PRMT8: variants seen among roughly 807,000 people sequenced by gnomAD.
PRMT8 encodes protein arginine N-methyltransferase 8.
In PRMT8, 7 loss-of-function variants were observed where a neutral mutation model predicts 47.1. The ratio of observed to expected loss-of-function variants is 0.15; its 90% CI spans 0.08 to 0.28. The LOEUF (loss-of-function observed/expected upper bound fraction) is 0.28. Ranked by LOEUF, PRMT8 falls within the 10% of genes least tolerant of loss-of-function variation. PRMT8 has a pLI of 1.00. For synonymous variants in PRMT8, 188 were observed against 186.5 expected (o/e 1.01, Z -0.07); for missense variants, 237 against 505.4 (o/e 0.47, Z 5.09).
chr12:3,454,426 T>A (rs1474057454), intron 1 of PRMT8, among the ~76,000 whole-genome samples: 1 of 152,088 alleles, frequency 6.6e-6, no homozygotes, highest in Non-Finnish European at 1.5e-5. Context: ...TTTGAATCAC[T>A]GACGTTAATC....
chr12:3,491,602 A>G lies in PRMT8; in HGVS notation c.-24A>G. 2.5e-6 allele frequency: 4 copies of G among 1,609,196 alleles called. No individual in the cohort carries two copies. Among genetic ancestry groups the G allele is most frequent in the South Asian group, 2.2e-5 (2 of 90,326 alleles). ...CTCTCTCCTCCTCTACTATCTCGGT[A>G]TCACCAAACCCTTGCCGGCTCTTAT... On this transcript the variant is annotated 5_prime_UTR_variant, in exon 1 of 10. Transcript: ENST00000382622.
At chr12:3,549,684 G>C (rs890540574) in intron 2 of PRMT8, among the ~76,000 whole-genome samples, 2 of 152,138 alleles carry the variant, frequency 1.3e-5, no homozygotes, top group Non-Finnish European at 2.9e-5. Context: ...AGCTTTCCCA[G>C]GTCTGAACAT....
intron 1 of PRMT8, among the ~76,000 whole-genome samples, chr12:3,498,902 G>A (rs1028137328): frequency 5.9e-5 from 9 of 152,316 alleles, no homozygotes; most frequent in East Asian, 3.9e-4. Context: ...GATGCCAGCA[G>A]GGTTGGTTCC....
intron 1 of PRMT8, among the ~76,000 whole-genome samples, chr12:3,498,022 C>A (rs999277311): frequency 6.6e-6 from 1 of 152,168 alleles, no homozygotes; most frequent in African/African-American, 2.4e-5. Flanking sequence ...TGCCAACTTT[C>A]TGGTATATCC....
chr12:3,431,546 G>A (rs1864677435), intron 1 of PRMT8, among the ~76,000 whole-genome samples: 1 of 152,114 alleles, frequency 6.6e-6, no homozygotes, highest in African/African-American at 2.4e-5. Context: ...CAGAGTTGGT[G>A]GAGGGGAGGG....
rs568063150 is a variant in PRMT8 at position 3,457,214 on chromosome 12, G to A, written c.48+75772G>A. On this transcript the variant is annotated intron_variant, in intron 1 of 9. Transcript: ENST00000452611. The stretch of plus-strand genomic sequence containing the variant: ...TGCTGGGCTCTCAGAGCTGTGGAAG[G>A]GCAGAGGAAGGCCTATCTAGGCTGC... Among the ~76,000 whole-genome samples, 7 of 152,284 alleles carry A rather than the reference G, an allele frequency of 4.6e-5. No homozygotes were observed. The East Asian group carries it at 1.4e-3, about 29-fold the overall frequency.
At chr12:3,448,940 A>G (rs1015060754) in intron 1 of PRMT8, among the ~76,000 whole-genome samples, 3 of 152,000 alleles carry the variant, frequency 2.0e-5, no homozygotes, top group Non-Finnish European at 1.5e-5. Context: ...CCCTGTGTCC[A>G]TGTGTTCTCA....
intron 7 of PRMT8, among the ~76,000 whole-genome samples, chr12:3,579,718 A>G (rs1867017741): frequency 6.6e-6 from 1 of 152,022 alleles, no homozygotes; most frequent in Admixed American, 6.6e-5. Flanking sequence ...CTTAATTGCT[A>G]TTTTCATCGC....
intron 1 of PRMT8, among the ~76,000 whole-genome samples, chr12:3,472,882 A>G (rs970406713): frequency 1.6e-4 from 25 of 152,106 alleles, no homozygotes; most frequent in Non-Finnish European, 1.6e-4. Flanking sequence ...GTGTTCCAGA[A>G]GCCAGGTCTT....
At chr12:3,393,689 C>T (rs1308124084) in intron 1 of PRMT8, among the ~76,000 whole-genome samples, 1,640 of 142,390 alleles carry the variant, frequency 0.012, 16 homozygotes, top group African/African-American at 0.038. Context: ...ATTGACTTGG[C>T]GATGCGGGCT....
intron 1 of PRMT8, among the ~76,000 whole-genome samples, chr12:3,444,350 G>C (rs1185404494): frequency 6.6e-6 from 1 of 152,200 alleles, no homozygotes; most frequent in African/African-American, 2.4e-5. Context: ...GACCTCTAAG[G>C]CAAGCAGGAA....
intron 1 of PRMT8, among the ~76,000 whole-genome samples, chr12:3,449,007 A>G (rs1201516635): frequency 6.6e-6 from 1 of 152,086 alleles, no homozygotes; most frequent in African/African-American, 2.4e-5. Flanking sequence ...CTGTTCCTGC[A>G]TTAGTTTGCT....
intron 1 of PRMT8, chr12:3,469,246 T>C: frequency 2.3e-6 from 1 of 441,096 alleles, no homozygotes; most frequent in South Asian, 1.8e-5. Context: ...ACCCCCATCC[T>C]GATTTAGACC....
At chr12:3,497,499 AC>A (rs1342056665) in intron 1 of PRMT8, among the ~76,000 whole-genome samples, 3 of 152,168 alleles carry the variant, frequency 2.0e-5, no homozygotes, top group African/African-American at 7.2e-5. Context: ...AGAGATGAAA[AC>A]TGGCTGCTAC....
intron 1 of PRMT8, among the ~76,000 whole-genome samples, chr12:3,458,277 TCATGA>T (rs1864997952): frequency 6.6e-6 from 1 of 152,222 alleles, no homozygotes; most frequent in African/African-American, 2.4e-5. Flanking sequence ...CCAACTGCTT[TCATGA>T]GGTTTCCTCA....
chr12:3,406,674 T>G (rs1035053542), intron 1 of PRMT8, among the ~76,000 whole-genome samples: 6 of 152,210 alleles, frequency 3.9e-5, no homozygotes, highest in African/African-American at 1.4e-4. Flanking sequence ...ATCTCCATCA[T>G]AGACCACCTC....
chr12:3,584,302 A>C (rs1419251313), intron 8 of PRMT8, among the ~76,000 whole-genome samples: 1 of 152,050 alleles, frequency 6.6e-6, no homozygotes, highest in Non-Finnish European at 1.5e-5. Context: ...GAAGTTAATC[A>C]CCTCTTTTAA....
chr12:3,401,076 G>C (rs1864310091), intron 1 of PRMT8, among the ~76,000 whole-genome samples: 1 of 150,842 alleles, frequency 6.6e-6, no homozygotes, highest in Non-Finnish European at 1.5e-5. Flanking sequence ...GAACCTGGGA[G>C]GTGGAGGTTG....
At chr12:3,458,335 G>A (rs1004292230) in intron 1 of PRMT8, among the ~76,000 whole-genome samples, 1 of 152,216 alleles carries the variant, frequency 6.6e-6, no homozygotes, top group African/African-American at 2.4e-5. Context: ...ATCCTTGGCG[G>A]TGAGGACCAG....
Sources: allele counts gnomAD v4.1 joint callset (sites outside exome capture counted in the v4.1 genomes callset), GRCh38; gene constraint gnomAD v4.1.1; transcripts MANE v1.5; gene names NCBI Gene and HGNC (gene_info 2026-07-23, HGNC 2026-07-21).